MAPK9: variants seen among roughly 807,000 people sequenced by gnomAD.
MAPK9 encodes Jun kinase.
In MAPK9, 30 loss-of-function variants were observed where a neutral mutation model predicts 57.1. That is an observed-to-expected ratio of 0.53 (90% confidence interval 0.39 to 0.71). MAPK9 has a LOEUF of 0.71. Ranked by LOEUF, MAPK9 falls within the 30% of genes least tolerant of loss-of-function variation. The pLI is 0.00. For missense variants in MAPK9, 362 were observed against 521.0 expected (o/e 0.69, Z 2.97); for synonymous variants, 155 against 177.0 (o/e 0.88, Z 0.99).
At chr5:180,251,239 C>T (rs1205904947) in intron 5 of MAPK9, among the ~76,000 whole-genome samples, 1 of 152,134 alleles carries the variant, frequency 6.6e-6, no homozygotes, top group African/African-American at 2.4e-5. Context: ...AATGCACACA[C>T]TTCCCCAGCC....
intron 2 of MAPK9, among the ~76,000 whole-genome samples, chr5:180,278,169 T>G (rs1171707487): frequency 2.6e-5 from 4 of 152,242 alleles, no homozygotes; most frequent in Non-Finnish European, 5.9e-5. Context: ...AACAAGTCTC[T>G]CCGTGGTACA....
chr5:180,261,235 T>C (rs1759922766), intron 5 of MAPK9, among the ~76,000 whole-genome samples: 1 of 152,188 alleles, frequency 6.6e-6, no homozygotes, highest in Non-Finnish European at 1.5e-5. Flanking sequence ...TGGGTCATTA[T>C]TTAAGAAAGA....
chr5:180,256,739 T>TA (rs1171152704), intron 5 of MAPK9, among the ~76,000 whole-genome samples: 1 of 152,074 alleles, frequency 6.6e-6, no homozygotes, highest in African/African-American at 2.4e-5. Context: ...GGCTATTCCA[T>TA]AAAAAAGGCC....
chr5:180,256,543 G>A (rs969549064), intron 5 of MAPK9, among the ~76,000 whole-genome samples: 1 of 152,196 alleles, frequency 6.6e-6, no homozygotes, highest in Admixed American at 6.5e-5. Flanking sequence ...CATGGATGTG[G>A]GAAGCAGCAG....
At chr5:180,265,296 G>A (rs1760417003) in intron 3 of MAPK9, among the ~76,000 whole-genome samples, 1 of 152,200 alleles carries the variant, frequency 6.6e-6, no homozygotes, top group South Asian at 2.1e-4. Context: ...TCCTGCGGCA[G>A]GCCTCCATCC....
intron 2 of MAPK9, among the ~76,000 whole-genome samples, chr5:180,275,177 G>A (rs185630104): frequency 7.2e-5 from 11 of 152,150 alleles, no homozygotes; most frequent in Non-Finnish European, 1.5e-5. Flanking sequence ...ATCTCCTTGT[G>A]TGCCTAGACT....
intron 5 of MAPK9, among the ~76,000 whole-genome samples, chr5:180,249,597 C>T (rs1485767130): frequency 6.6e-6 from 1 of 152,182 alleles, no homozygotes; most frequent in Admixed American, 6.5e-5. Flanking sequence ...CTCTCTCTTG[C>T]TAAGGTCCTC....
At chr5:180,288,162 C>T (rs575342380) in intron 1 of MAPK9, among the ~76,000 whole-genome samples, 8 of 152,300 alleles carry the variant, frequency 5.3e-5, no homozygotes, top group East Asian at 1.9e-4. Context: ...GACGAAGCCT[C>T]GTCTAGATCC....
intron 5 of MAPK9, chr5:180,258,077 A>C (rs1256769300): frequency 1.3e-5 from 2 of 152,318 alleles, no homozygotes; most frequent in African/African-American, 4.8e-5. Flanking sequence ...AAATGTGGGA[A>C]GACATTTAAG....
intron 1 of MAPK9, among the ~76,000 whole-genome samples, chr5:180,281,710 A>G (rs1387066926): frequency 1.3e-4 from 20 of 152,180 alleles, no homozygotes; most frequent in Non-Finnish European, 8.8e-5. Flanking sequence ...TTAAACATGG[A>G]AAAAATGGAT....
chr5:180,241,125 A>G lies in MAPK9; in HGVS notation c.902T>C (p.Met301Thr). The stretch of plus-strand genomic sequence containing the variant: ...CCGCTTGTCAGGATCAATCACTAAC[A>G]TTTTTGATAACAGATCTCTGGCTTG... ...TSQARDLLSK[M>T]LVIDPDKRIS... Residue 301 changes from methionine (M) to threonine (T), a missense_variant, in exon 9 of 12, where the codon ATG becomes ACG. This residue lies in a region of MAPK9 where 199 missense variants were observed against 251.3 expected (regional missense o/e 0.79). Coordinates refer to ENST00000452135, the MANE Select transcript of MAPK9 (RefSeq NM_002752.5). The G allele has an allele frequency of 6.2e-7, 1 of 1,613,898 alleles. No homozygotes were observed. Among genetic ancestry groups the G allele is most frequent in the Non-Finnish European group, 8.5e-7 (1 of 1,179,906 alleles).
intron 9 of MAPK9, 99 bp from the exon 10 acceptor site, chr5:180,240,086 T>C (rs1757523940): frequency 2.4e-6 from 2 of 838,532 alleles, no homozygotes; most frequent in Non-Finnish European, 2.0e-6. Flanking sequence ...AGTCTATTTA[T>C]GATATGGATT....
At chr5:180,239,308 A>G (rs1757461138) in intron 10 of MAPK9, among the ~76,000 whole-genome samples, 1 of 152,226 alleles carries the variant, frequency 6.6e-6, no homozygotes, top group Non-Finnish European at 1.5e-5. Flanking sequence ...GCATTGACTG[A>G]GGCCAGTGAG....
intron 8 of MAPK9, 148 bp from the exon 9 acceptor site, chr5:180,241,303 AAT>A: frequency 1.2e-5 from 10 of 839,074 alleles, no homozygotes; most frequent in East Asian, 6.4e-5. Context: ...TATAACCCAA[AAT>A]TTTTTTTTTT....
rs1554122534 is a variant in MAPK9 at position 180,251,732 on chromosome 5, A to AGTGACGCCTGGATCAGGGC, written c.451-2595_451-2594insGCCCTGATCCAGGCGTCAC. Among the ~76,000 whole-genome samples the AGTGACGCCTGGATCAGGGC allele has an allele frequency of 1.9e-4, 29 of 151,880 alleles. No homozygotes were observed. In the South Asian group the frequency reaches 5.4e-3, roughly 28 times the overall value. On this transcript the variant is annotated intron_variant, in intron 5 of 11. Transcript: ENST00000452135. ...AAGACAAATGCCAAGTACAGATCCA[A>AGTGACGCCTGGATCAGGGC]GTGACGCCTGGATCGGGGCTTGGCT... is the stretch of plus-strand genomic sequence containing the variant.
intron 5 of MAPK9, among the ~76,000 whole-genome samples, chr5:180,249,954 G>A (rs1451761521): frequency 6.6e-6 from 1 of 152,122 alleles, no homozygotes; most frequent in Non-Finnish European, 1.5e-5. Context: ...GTCTAGAATC[G>A]TCTGATCCTG....
chr5:180,277,117 A>G (rs1761891747), intron 2 of MAPK9, among the ~76,000 whole-genome samples: 1 of 152,240 alleles, frequency 6.6e-6, no homozygotes, highest in Non-Finnish European at 1.5e-5. Context: ...TGCATAAACC[A>G]TACACTGTTG....
In MAPK9 at chr5:180,247,234, C is replaced by T. The variant is rs1758200046; in HGVS notation, c.688+205G>A. The T allele has an allele frequency of 1.7e-6, 1 of 602,606 alleles. No homozygotes were observed. Among genetic ancestry groups the T allele is most frequent in the Admixed American group, 3.3e-5 (1 of 30,492 alleles). The allele number at this position is 602,606 out of a possible 1,614,324, so 37.3% of individuals were successfully genotyped here. A position where few individuals can be genotyped will look rare whatever the true frequency, so the allele number is the denominator to read the frequency against. On this transcript the variant is annotated intron_variant, in intron 7 of 11. Transcript: ENST00000452135. The surrounding 1 kb of genome is among the most constrained non-coding windows in gnomAD (Gnocchi z 4.5). The stretch of plus-strand genomic sequence containing the variant: ...ACTGAACTCTAAGTCTCAAAGTCAT[C>T]ACAGGTAGTCAAGTTAAAAATAAAG...
chr5:180,247,379 G>A lies in MAPK9; in HGVS notation c.688+60C>T, dbSNP rs1193812149. ...CTCGTGAGCGCTCGTGTAAGCAGGTGGTCATGCTGCCTGAGGCATTAAGAA... is the reference window on the plus strand; with the variant it reads ...CTCGTGAGCGCTCGTGTAAGCAGGTAGTCATGCTGCCTGAGGCATTAAGAA... On this transcript the variant is annotated intron_variant, in intron 7 of 11. Transcript: ENST00000452135. This position sits in a 1 kb window ranked among gnomAD's most constrained non-coding sequence, Gnocchi z 4.5. 3 of 1,599,382 alleles carry A rather than the reference G, an allele frequency of 1.9e-6. No homozygotes were observed. The African/African-American group carries it at 4.0e-5, about 21-fold the overall frequency.
Sources: allele counts gnomAD v4.1 joint callset (sites outside exome capture counted in the v4.1 genomes callset), GRCh38; gene constraint gnomAD v4.1.1; regional missense constraint gnomAD v4.1.1; non-coding constraint Gnocchi (gnomAD v3.1); transcripts MANE v1.5; gene names NCBI Gene and HGNC (gene_info 2026-07-23, HGNC 2026-07-21).